IL4R: variants seen among roughly 807,000 people sequenced by gnomAD.
IL4R encodes the protein interleukin-4 receptor subunit alpha.
IL4R carries 17 observed loss-of-function variants against 41.5 expected under a neutral mutation model. The observed-to-expected ratio is 0.41, with a 90% CI of 0.28 to 0.61. The LOEUF is 0.61. Ranked by LOEUF, IL4R falls within the 20% of genes least tolerant of loss-of-function variation. IL4R has a pLI of 0.31. For missense variants in IL4R, 974 were observed against 1,043.1 expected, an observed-to-expected ratio of 0.93 and a Z score of 0.91; for synonymous variants, 402 against 422.9, an observed-to-expected ratio of 0.95 and a Z score of 0.61.
chr16:27,354,350 C>T (rs1486262604), intron 7 of IL4R, among the ~76,000 whole-genome samples: 1 of 152,152 alleles, frequency 6.6e-6, no homozygotes, highest in Non-Finnish European at 1.5e-5. Flanking sequence ...TCAGGTTGGC[C>T]GTTGCACACT....
At position 27,363,135 on chromosome 16, in the gene IL4R, T is replaced by C; in HGVS notation, c.1783T>C (p.Leu595=). The change falls in exon 11 of 11, where the codon TTG becomes CTG. Residue 595 remains leucine, a synonymous_variant. Transcript: ENST00000395762. ...CACCCAGGCCAGTGCGGTGGTGGGCTTGGGTCCCCCAGGAGAGGCTGGTTA... is the reference window on the plus strand; with the variant it reads ...CACCCAGGCCAGTGCGGTGGTGGGCCTGGGTCCCCCAGGAGAGGCTGGTTA... ...GGTQASAVVG[L]GPPGEAGYKA... 1.2e-6 allele frequency: 2 copies of C among 1,613,824 alleles called. No individual in the cohort carries two copies. The highest frequency in any genetic ancestry group is 8.5e-7 in the Non-Finnish European group (1 of 1,179,908).
chr16:27,352,746 C>T (rs772339506), intron 7 of IL4R, 50 bp downstream of exon 7: 38 of 1,575,840 alleles, frequency 2.4e-5, no homozygotes, highest in Admixed American at 3.4e-5. Flanking sequence ...TCCATTCTTC[C>T]CCTGTGGCCA....
At chr16:27,321,005 G>A (rs542122549) in intron 1 of IL4R, among the ~76,000 whole-genome samples, 37 of 151,010 alleles carry the variant, frequency 2.5e-4, no homozygotes, top group African/African-American at 6.3e-4. Flanking sequence ...GTGCAGTGGC[G>A]CAATCTCAGC....
chr16:27,343,113 C>T (rs1205769595), intron 4 of IL4R, among the ~76,000 whole-genome samples: 2 of 152,158 alleles, frequency 1.3e-5, no homozygotes, highest in African/African-American at 2.4e-5. Context: ...CCATGGTGCA[C>T]AGGATGCTTC....
chr16:27,357,544 A>G (rs2086119726), intron 8 of IL4R, among the ~76,000 whole-genome samples: 1 of 152,148 alleles, frequency 6.6e-6, no homozygotes, highest in Non-Finnish European at 1.5e-5. Flanking sequence ...ACTCACTGCA[A>G]TCTCTGCCTC....
chr16:27,313,827 A>C, upstream of IL4R: 3 of 772,184 alleles, frequency 3.9e-6, no homozygotes, highest in Non-Finnish European at 4.7e-6. Flanking sequence ...GGTGGCCGGG[A>C]CCCGGGCCGG....
intron 6 of IL4R, among the ~76,000 whole-genome samples, chr16:27,349,660 C>T (rs549700107): frequency 2.0e-5 from 3 of 152,320 alleles, no homozygotes; most frequent in East Asian, 3.9e-4. Flanking sequence ...GAATGCCTGC[C>T]TCATAATGGT....
chr16:27,319,990 C>T (rs2084764744), intron 1 of IL4R, among the ~76,000 whole-genome samples: 1 of 152,174 alleles, frequency 6.6e-6, no homozygotes, highest in African/African-American at 2.4e-5. Context: ...CCTGCCTCAG[C>T]CTGGTGGCTG....
chr16:27,336,692 AAAAAGG>A, intron 2 of IL4R, among the ~76,000 whole-genome samples: 1 of 150,866 alleles, frequency 6.6e-6, no homozygotes, highest in South Asian at 2.1e-4. Flanking sequence ...AAAAAAAAAA[AAAAAGG>A]AAAGGGAGGA....
chr16:27,354,293 A>G (rs3024624), intron 7 of IL4R: 62,172 of 152,112 alleles, frequency 0.41, 14,330 homozygotes, highest in Middle Eastern at 0.51. Context: ...CCCTTCTGCC[A>G]TCCTTCACAT....
intron 2 of IL4R, among the ~76,000 whole-genome samples, chr16:27,339,180 T>C (rs1819322670): frequency 6.6e-6 from 1 of 151,966 alleles, no homozygotes; most frequent in Admixed American, 6.6e-5. Flanking sequence ...AAAACAATTT[T>C]TCAAAAATTC....
intron 1 of IL4R, among the ~76,000 whole-genome samples, chr16:27,324,415 T>C (rs1393585694): frequency 6.6e-6 from 1 of 152,200 alleles, no homozygotes; most frequent in Admixed American, 6.5e-5. Context: ...GAATTCATCC[T>C]GTCGTTCTTC....
At chr16:27,338,900 C>T (rs2085346628) in intron 2 of IL4R, among the ~76,000 whole-genome samples, 2 of 152,118 alleles carry the variant, frequency 1.3e-5, no homozygotes, top group South Asian at 2.1e-4. Context: ...GTCGCCCAGG[C>T]TGGAGTACAA....
chr16:27,316,307 C>T (rs12920270), intron 1 of IL4R, among the ~76,000 whole-genome samples: 1 of 152,192 alleles, frequency 6.6e-6, no homozygotes, highest in Non-Finnish European at 1.5e-5. Flanking sequence ...GTGGTCAAGG[C>T]TGCAGTGAAC....
At chr16:27,320,952 T>G (rs1433675687) in intron 1 of IL4R, among the ~76,000 whole-genome samples, 2 of 151,330 alleles carry the variant, frequency 1.3e-5, no homozygotes, top group Admixed American at 6.6e-5. Flanking sequence ...TTCTTTCTTT[T>G]TTTTTTTTTG....
chr16:27,355,372 C>A (rs2086025626), intron 7 of IL4R: 1 of 287,618 alleles, frequency 3.5e-6, no homozygotes, highest in Admixed American at 4.6e-5. Flanking sequence ...GTTCTGAGTG[C>A]ATTATCTATT....
chr16:27,325,179 C>T (rs780688160), intron 1 of IL4R, among the ~76,000 whole-genome samples: 5 of 150,914 alleles, frequency 3.3e-5, no homozygotes, highest in East Asian at 1.9e-4. Flanking sequence ...CAGCCAAGGG[C>T]CCCGCTTGTA....
intron 2 of IL4R, among the ~76,000 whole-genome samples, chr16:27,339,424 TG>T (rs1272410957): frequency 6.6e-6 from 1 of 152,130 alleles, no homozygotes; most frequent in Non-Finnish European, 1.5e-5. Flanking sequence ...CGGTCACTGT[TG>T]GAGGGCTCTG....
chr16:27,346,821 A>C (rs2085663398), intron 6 of IL4R, among the ~76,000 whole-genome samples: 1 of 152,154 alleles, frequency 6.6e-6, no homozygotes, highest in Non-Finnish European at 1.5e-5. Flanking sequence ...CCCTCACATC[A>C]GAGAAGGGGA....
Sources: allele counts gnomAD v4.1 joint callset (sites outside exome capture counted in the v4.1 genomes callset), GRCh38; gene constraint gnomAD v4.1.1; transcripts MANE v1.5; gene names NCBI Gene and HGNC (gene_info 2026-07-23, HGNC 2026-07-21).